Variants in HMGN3 observed in about 807,000 individuals in gnomAD.
The protein encoded by HMGN3 is high mobility group nucleosomal binding domain 3, also known as high mobility group nucleosome-binding domain-containing protein 3.
A neutral mutation model predicts 18.8 loss-of-function variants in HMGN3; 6 were observed. That is an observed-to-expected ratio of 0.32 (90% confidence interval 0.18 to 0.63). The LOEUF (loss-of-function observed/expected upper bound fraction) is 0.63, where lower values mean the gene tolerates loss of function less well. Among genes scored for constraint, HMGN3 ranks in the 30% least tolerant of loss-of-function variants. The pLI, the probability that HMGN3 is intolerant of heterozygous loss-of-function variation, is 0.79. For missense variants in HMGN3, 107 were observed against 114.2 expected (o/e 0.94, Z 0.29); for synonymous variants, 40 against 36.5 (o/e 1.10, Z -0.35).
chr6:79,206,541 C>T (rs948050333), intron 3 of HMGN3, among the ~76,000 whole-genome samples: 2 of 152,286 alleles, frequency 1.3e-5, no homozygotes, highest in South Asian at 2.1e-4. Flanking sequence ...GGAACCTCTG[C>T]GTAGATTTCA....
chr6:79,225,428 C>T (rs1777519821), intron 1 of HMGN3, among the ~76,000 whole-genome samples: 1 of 152,182 alleles, frequency 6.6e-6, no homozygotes, highest in Non-Finnish European at 1.5e-5. Flanking sequence ...GTCCTAGGTC[C>T]AGTGGATTTT....
chr6:79,217,032 T>A (rs934404397), intron 1 of HMGN3, among the ~76,000 whole-genome samples: 2 of 152,104 alleles, frequency 1.3e-5, no homozygotes, highest in Admixed American at 1.3e-4. Context: ...TATGATGGAG[T>A]TCAATCTCTA....
intron 2 of HMGN3, among the ~76,000 whole-genome samples, chr6:79,214,332 G>C (rs778657503): frequency 5.9e-5 from 9 of 151,620 alleles, no homozygotes; most frequent in Non-Finnish European, 1.2e-4. Context: ...CTCCCGAGTA[G>C]CTGGGACTAC....
intron 3 of HMGN3, among the ~76,000 whole-genome samples, chr6:79,204,936 G>T (rs1381919157): frequency 6.6e-6 from 1 of 152,126 alleles, no homozygotes; most frequent in Non-Finnish European, 1.5e-5. Flanking sequence ...TAATATACAT[G>T]TTTTCTCCAT....
intron 1 of HMGN3, among the ~76,000 whole-genome samples, chr6:79,223,630 T>C (rs1434560189): frequency 6.6e-6 from 1 of 152,098 alleles, no homozygotes; most frequent in East Asian, 1.9e-4. Context: ...CGCTTGACCC[T>C]GGGAGGTGGA....
intron 1 of HMGN3, among the ~76,000 whole-genome samples, chr6:79,222,322 G>T (rs1200259353): frequency 6.6e-6 from 1 of 151,936 alleles, no homozygotes; most frequent in Non-Finnish European, 1.5e-5. Flanking sequence ...TATTAAATTG[G>T]TTAAAAAGAA....
At chr6:79,203,505 T>C in intron 4 of HMGN3, 75 bp downstream of exon 4, 1 of 1,226,660 alleles carries the variant, frequency 8.2e-7, no homozygotes, top group East Asian at 2.3e-5. Flanking sequence ...GGCCTTTCTT[T>C]GAATGATTCT....
At chr6:79,208,437 G>T in intron 3 of HMGN3, 110 bp downstream of exon 3, 1 of 987,664 alleles carries the variant, frequency 1.0e-6, no homozygotes, top group Non-Finnish European at 1.6e-6. Context: ...TTTTCAAAAA[G>T]AAAATAAGCT....
At chr6:79,204,274 T>C (rs1776293665) in intron 3 of HMGN3, among the ~76,000 whole-genome samples, 1 of 152,250 alleles carries the variant, frequency 6.6e-6, no homozygotes, top group Non-Finnish European at 1.5e-5. Flanking sequence ...ATAAAATGTC[T>C]ACTGTTAGCT....
chr6:79,230,874 A>G (rs1258065143), intron 1 of HMGN3, among the ~76,000 whole-genome samples: 1 of 152,168 alleles, frequency 6.6e-6, no homozygotes, highest in Non-Finnish European at 1.5e-5. Flanking sequence ...ATGACAAGTA[A>G]TATTCTTTTC....
chr6:79,209,465 C>G (rs746504906), intron 2 of HMGN3, among the ~76,000 whole-genome samples: 13 of 152,152 alleles, frequency 8.5e-5, no homozygotes, highest in Non-Finnish European at 1.6e-4. Flanking sequence ...ATACTCCATA[C>G]TTTTTGTCTG....
chr6:79,201,544 C>T (rs544935374), exon 6 of HMGN3: 15 of 613,266 alleles, frequency 2.4e-5, no homozygotes, highest in African/African-American at 5.5e-5. Context: ...GACTATGAGA[C>T]GATAAAATGT....
intron 3 of HMGN3, among the ~76,000 whole-genome samples, chr6:79,205,041 G>T (rs1177277944): frequency 2.0e-5 from 3 of 152,208 alleles, no homozygotes; most frequent in Non-Finnish European, 2.9e-5. Context: ...CAGGAAATGA[G>T]GTTTTGTAGT....
chr6:79,232,714 G>C (rs1215356470), intron 1 of HMGN3, among the ~76,000 whole-genome samples: 1 of 152,014 alleles, frequency 6.6e-6, no homozygotes, highest in East Asian at 1.9e-4. Flanking sequence ...TCCATCGTCA[G>C]GGTCCATTAT....
At chr6:79,227,224 G>A (rs1182069551) in intron 1 of HMGN3, among the ~76,000 whole-genome samples, 2 of 152,094 alleles carry the variant, frequency 1.3e-5, no homozygotes, top group Non-Finnish European at 2.9e-5. Flanking sequence ...GATCTTCCAA[G>A]GGAATTTTAA....
chr6:79,222,395 C>G (rs1445843909), intron 1 of HMGN3, among the ~76,000 whole-genome samples: 1 of 152,046 alleles, frequency 6.6e-6, no homozygotes, highest in East Asian at 1.9e-4. Context: ...TGTGCCTATA[C>G]CTAACTCTGT....
intron 2 of HMGN3, among the ~76,000 whole-genome samples, chr6:79,211,011 C>CAAAAAAAAAAAAAAA (rs59749044): frequency 5.6e-5 from 5 of 89,712 alleles, no homozygotes; most frequent in East Asian, 3.7e-4. Context: ...GAAATTAATG[C>CAAAAAAAAAAAAAAA]AAAAAAAAAA....
chr6:79,216,013 T>C (rs1358316384), intron 1 of HMGN3, among the ~76,000 whole-genome samples: 1 of 152,210 alleles, frequency 6.6e-6, no homozygotes, highest in Non-Finnish European at 1.5e-5. Flanking sequence ...AAAACAGCTA[T>C]GTGGTAATGC....
rs1223021451 is a variant in HMGN3 at position 79,203,653 on chromosome 6, A to G, written c.97-23T>C. On this transcript the variant is annotated intron_variant, in intron 3 of 5. Coordinates refer to ENST00000344726, the Ensembl canonical transcript of HMGN3. ...TTTCTGCAAAGATAATTTAAATTAC[A>G]CAAATACTGAAAAAAAAAAAAAACT... The G allele has an allele frequency of 2.7e-6, 4 of 1,486,644 alleles. No individual in the cohort carries two copies. The African/African-American group carries it at 5.5e-5, about 20-fold the overall frequency. 92.1% of individuals were successfully genotyped at this position (1,486,644 alleles called of 1,614,324 possible).
Sources: allele counts gnomAD v4.1 joint callset (sites outside exome capture counted in the v4.1 genomes callset), GRCh38; gene constraint gnomAD v4.1.1; transcripts MANE v1.5; gene names NCBI Gene and HGNC (gene_info 2026-07-23, HGNC 2026-07-21).